CAMTA1: variants seen among roughly 807,000 people sequenced by gnomAD.
CAMTA1 encodes the protein calmodulin binding transcription activator 1.
In CAMTA1, 27 loss-of-function variants were observed where a neutral mutation model predicts 170.9. The observed-to-expected ratio is 0.16, with a 90% CI of 0.12 to 0.22. The LOEUF (loss-of-function observed/expected upper bound fraction) is 0.22. CAMTA1 is among the 10% of genes least tolerant of loss of function. The pLI is 1.00. For missense variants in CAMTA1, 1,619 were observed against 2,217.2 expected, an observed-to-expected ratio of 0.73 and a Z score of 5.42; for synonymous variants, 833 against 891.5, an observed-to-expected ratio of 0.93 and a Z score of 1.17.
intron 4 of CAMTA1, among the ~76,000 whole-genome samples, chr1:7,201,625 G>A (rs1256796861): frequency 6.6e-6 from 1 of 152,076 alleles, no homozygotes; most frequent in Non-Finnish European, 1.5e-5. Context: ...GAATCTCCCT[G>A]ATAGCTAATA....
chr1:6,954,198 T>TGCAG, intron 3 of CAMTA1, among the ~76,000 whole-genome samples: 1 of 152,332 alleles, frequency 6.6e-6, no homozygotes, highest in East Asian at 1.9e-4. Context: ...AATGACGCCC[T>TGCAG]GGCTGGTCGC....
At chr1:7,449,785 A>AG (rs1553168526) in intron 5 of CAMTA1, among the ~76,000 whole-genome samples, 1 of 150,654 alleles carries the variant, frequency 6.6e-6, no homozygotes, top group Non-Finnish European at 1.5e-5. Flanking sequence ...AAAAAAAAAA[A>AG]AAAGAAAGAA....
chr1:6,927,406 G>C (rs912588549), intron 3 of CAMTA1, among the ~76,000 whole-genome samples: 3 of 152,166 alleles, frequency 2.0e-5, no homozygotes, highest in African/African-American at 4.8e-5. Context: ...TAAGTAGTTA[G>C]ATATAAACAC....
Position 7,690,728 on chromosome 1 carries a change from C to T in CAMTA1, c.2914+12995C>T, listed in dbSNP as rs530911742. 1.3e-4 allele frequency among the ~76,000 whole-genome samples: 20 copies of T among 152,332 alleles called. 1 individual carries two copies. The South Asian group carries it at 2.3e-3, about 17-fold the overall frequency. Reference sequence around the variant, plus strand: ...TGTGTAGTGACTCACTGAGACTTTCCGGCAACCCGTGAGGCCCCTGTTCCA... The same window carrying T: ...TGTGTAGTGACTCACTGAGACTTTCTGGCAACCCGTGAGGCCCCTGTTCCA... On this transcript the variant is annotated intron_variant, in intron 11 of 22. Transcript: ENST00000303635.
At chr1:7,744,691 G>A in intron 16 of CAMTA1, 144 bp from the exon 17 acceptor site, 1 of 641,882 alleles carries the variant, frequency 1.6e-6, no homozygotes, top group Non-Finnish European at 2.7e-6. Flanking sequence ...ACCTTAAAAT[G>A]GTATTTCATT....
intron 3 of CAMTA1, among the ~76,000 whole-genome samples, chr1:7,089,761 A>T (rs550498228): frequency 3.3e-5 from 5 of 152,186 alleles, no homozygotes; most frequent in Non-Finnish European, 7.3e-5. Context: ...AAATCCTGCC[A>T]ACTGGGGGAA....
intron 6 of CAMTA1, among the ~76,000 whole-genome samples, chr1:7,480,236 T>C (rs1240895477): frequency 9.0e-6 from 1 of 110,938 alleles, no homozygotes; most frequent in African/African-American, 4.2e-5. Context: ...TGTGAGTGCA[T>C]GTGTCCGTGT....
chr1:6,914,279 T>G (rs561956911), intron 3 of CAMTA1, among the ~76,000 whole-genome samples: 28 of 152,154 alleles, frequency 1.8e-4, no homozygotes, highest in South Asian at 1.5e-3. Context: ...TAATTTTGTA[T>G]TTTTAGTAGA....
intron 4 of CAMTA1, among the ~76,000 whole-genome samples, chr1:7,153,804 G>A (rs536135675): frequency 1.3e-5 from 2 of 152,290 alleles, no homozygotes; most frequent in South Asian, 2.1e-4. Context: ...TGACAGGGAC[G>A]CATTCTAGGT....
intron 5 of CAMTA1, among the ~76,000 whole-genome samples, chr1:7,270,279 A>C (rs1669564906): frequency 8.7e-6 from 1 of 114,816 alleles, no homozygotes; most frequent in Non-Finnish European, 1.7e-5. Flanking sequence ...ACACACATAT[A>C]TATATATATA....
chr1:6,990,773 TTCTCTCTCTCTG>T (rs1557936775), intron 3 of CAMTA1, among the ~76,000 whole-genome samples: 4 of 143,354 alleles, frequency 2.8e-5, no homozygotes, highest in African/African-American at 1.1e-4. Flanking sequence ...AACATGTACT[TTCTCTCTCTCTG>T]TCTCTCTCTC....
Position 6,854,661 on chromosome 1 carries a change from C to T in CAMTA1, c.234+29451C>T, listed in dbSNP as rs184628615. Among the ~76,000 whole-genome samples, 89 of 152,166 alleles carry T rather than the reference C, an allele frequency of 5.8e-4. 1 individual carries two copies. The East Asian group carries it at 0.013, about 23-fold the overall frequency. On this transcript the variant is annotated intron_variant, in intron 3 of 22. Transcript: ENST00000303635. ...TTATAGAGTAAATCTCAACAGATTT[C>T]GAAAGACTAAATTCAGAATATCATA...
chr1:7,517,385 C>T (rs967242268), intron 6 of CAMTA1, among the ~76,000 whole-genome samples: 1 of 152,072 alleles, frequency 6.6e-6, no homozygotes. Flanking sequence ...CTTTAATTTC[C>T]CTAAAGCTGT....
chr1:6,953,983 C>T (rs1572002144), intron 3 of CAMTA1, among the ~76,000 whole-genome samples: 2 of 152,126 alleles, frequency 1.3e-5, no homozygotes, highest in African/African-American at 4.8e-5. Context: ...GGGCGGCACT[C>T]GAGGGCTTGG....
At chr1:7,587,326 C>T (rs907874996) in intron 6 of CAMTA1, among the ~76,000 whole-genome samples, 1 of 152,028 alleles carries the variant, frequency 6.6e-6, no homozygotes, top group Non-Finnish European at 1.5e-5. Context: ...CCTTTCCCCA[C>T]TTCTGGAAAG....
intron 6 of CAMTA1, among the ~76,000 whole-genome samples, chr1:7,507,862 C>T (rs1222036815): frequency 6.6e-6 from 1 of 152,230 alleles, no homozygotes; most frequent in African/African-American, 2.4e-5. Flanking sequence ...CGGGTCTTCC[C>T]AGCTGGGCAC....
intron 3 of CAMTA1, among the ~76,000 whole-genome samples, chr1:6,873,031 A>G (rs1668824325): frequency 6.6e-6 from 1 of 152,222 alleles, no homozygotes; most frequent in Admixed American, 6.5e-5. Context: ...ACTCTCACGA[A>G]CAGTTTTGTT....
chr1:7,003,191 A>G (rs934882870), intron 3 of CAMTA1, among the ~76,000 whole-genome samples: 1 of 152,238 alleles, frequency 6.6e-6, no homozygotes, highest in Non-Finnish European at 1.5e-5. Context: ...TCTGGGGGCA[A>G]AATTGCCCCT....
chr1:6,925,402 C>T (rs1469508533), intron 3 of CAMTA1, among the ~76,000 whole-genome samples: 1 of 152,244 alleles, frequency 6.6e-6, no homozygotes, highest in African/African-American at 2.4e-5. Flanking sequence ...GGCCTGACCT[C>T]GCTTTCGAGG....
Sources: gnomAD v4.1 joint callset for allele counts (sites outside exome capture counted in the v4.1 genomes callset) on GRCh38, gnomAD v4.1.1 for gene constraint, MANE v1.5 for transcripts, NCBI Gene and HGNC (gene_info 2026-07-23, HGNC 2026-07-21) for gene names.